Variants in RYR2 observed in about 807,000 individuals in gnomAD.
RYR2 encodes cardiac muscle ryanodine receptor-calcium release channel.
A neutral mutation model predicts 601.1 loss-of-function variants in RYR2; 227 were observed. The observed-to-expected ratio is 0.38, with a 90% confidence interval of 0.34 to 0.42. The LOEUF (loss-of-function observed/expected upper bound fraction) is 0.42. RYR2 is among the 10% of genes least tolerant of loss of function. The probability of loss-of-function intolerance (pLI) is 1.00; values close to 1 mark genes in which losing one functional copy is unlikely to be tolerated. For synonymous variants in RYR2, 2,223 were observed against 2,175.1 expected, an observed-to-expected ratio of 1.02 and a Z score of -0.61; for missense variants, 4,646 against 6,156.5, an observed-to-expected ratio of 0.75 and a Z score of 8.21.
At chr1:237,454,820 G>C (rs1658611241) in intron 15 of RYR2, among the ~76,000 whole-genome samples, 2 of 152,116 alleles carry the variant, frequency 1.3e-5, no homozygotes, top group African/African-American at 2.4e-5. Context: ...GACATTTACT[G>C]TCTGCTCAGC....
chr1:237,426,642 A>C (rs975912009), intron 12 of RYR2, among the ~76,000 whole-genome samples: 1 of 152,232 alleles, frequency 6.6e-6, no homozygotes, highest in African/African-American at 2.4e-5. Context: ...AACTAGAAGA[A>C]ATTGATATCC....
Position 237,614,666 on chromosome 1 carries a change from T to C in RYR2, c.5538T>C (p.Ile1846=). The change falls in exon 37 of 105, where the codon ATT becomes ATC. Residue 1846 remains isoleucine, a synonymous_variant. Coordinates refer to ENST00000366574, the MANE Select transcript of RYR2 (RefSeq NM_001035.3). The surrounding 1 kb of genome is among the most constrained non-coding windows in gnomAD (Gnocchi z 4.3). ...NEDLKHILQL[I]EPSVFKEAAT... is the part of the protein sequence containing the mutation. ...ACTTGAAGCACATCTTGCAGTTGAT[T>C]GAGCCCAGTGTGTTTAAAGAAGCTG... 1 of 1,614,000 alleles carries C rather than the reference T, an allele frequency of 6.2e-7. No individual in the cohort carries two copies. Among genetic ancestry groups the C allele is most frequent in the Non-Finnish European group, 8.5e-7 (1 of 1,179,892 alleles).
intron 1 of RYR2, among the ~76,000 whole-genome samples, chr1:237,120,008 TA>T (rs1438518634): frequency 6.6e-6 from 1 of 152,206 alleles, no homozygotes; most frequent in Non-Finnish European, 1.5e-5. Flanking sequence ...GAGGTTGTTT[TA>T]AAAAGCCGAG....
intron 17 of RYR2, among the ~76,000 whole-genome samples, chr1:237,482,654 C>A (rs1662246426): frequency 6.6e-6 from 1 of 152,162 alleles, no homozygotes; most frequent in East Asian, 1.9e-4. Context: ...AACAGTACTG[C>A]AACCACCATG....
intron 60 of RYR2, among the ~76,000 whole-genome samples, chr1:237,675,548 C>T (rs1685321570): frequency 6.6e-6 from 1 of 152,138 alleles, no homozygotes; most frequent in Non-Finnish European, 1.5e-5. Flanking sequence ...CCAGTTTGTT[C>T]CCTTTTGAAA....
At chr1:237,254,083 C>T (rs1687724916) in intron 1 of RYR2, among the ~76,000 whole-genome samples, 1 of 152,054 alleles carries the variant, frequency 6.6e-6, no homozygotes, top group Admixed American at 6.6e-5. Context: ...AAAACATATC[C>T]CAGAAACAAG....
chr1:237,305,469 T>A (rs145879767), intron 2 of RYR2, among the ~76,000 whole-genome samples: 4,283 of 152,348 alleles, frequency 0.028, 93 homozygotes, highest in Non-Finnish European at 0.045. Context: ...TCTCACTCTG[T>A]CACCCAGGCT....
rs199509060 is a variant in RYR2, at chr1:237,610,703, C to T, written c.4684-59C>T. The T allele has an allele frequency of 4.5e-4, 621 of 1,392,042 alleles. No individual in the cohort carries two copies. The highest frequency in any genetic ancestry group is 5.6e-4 in the Non-Finnish European group (565 of 1,014,514). 86.2% of individuals were successfully genotyped at this position (1,392,042 alleles called of 1,614,324 possible). On this transcript the variant is annotated intron_variant, in intron 35 of 104. Coordinates refer to ENST00000366574, the MANE Select transcript of RYR2 (RefSeq NM_001035.3). The surrounding 1 kb of genome is among the most constrained non-coding windows in gnomAD (Gnocchi z 4.9). ...GTCCTGTGCAGAATTCTAGTCATTA[C>T]TTTGTGAACCCCAAGGGATGTTCTA...
chr1:237,292,355 A>T (rs1012671972), intron 2 of RYR2, among the ~76,000 whole-genome samples: 8 of 152,244 alleles, frequency 5.3e-5, no homozygotes, highest in African/African-American at 1.9e-4. Context: ...AAATAGGTAC[A>T]AAATATTAGA....
intron 2 of RYR2, among the ~76,000 whole-genome samples, chr1:237,276,108 A>AT (rs1055635235): frequency 1.8e-4 from 27 of 151,400 alleles, no homozygotes; most frequent in South Asian, 1.5e-3. Flanking sequence ...ATTTTATTTT[A>AT]TTTTTTTTTG....
chr1:237,288,792 C>A (rs551395706), intron 2 of RYR2, among the ~76,000 whole-genome samples: 67 of 152,226 alleles, frequency 4.4e-4, no homozygotes, highest in Non-Finnish European at 7.8e-4. Context: ...GGAGTCTGGA[C>A]ACTAGATTTG....
chr1:237,205,688 G>T (rs921980832), intron 1 of RYR2, among the ~76,000 whole-genome samples: 1 of 152,222 alleles, frequency 6.6e-6, no homozygotes, highest in Non-Finnish European at 1.5e-5. Context: ...ATCCAAAGGA[G>T]TTAAAAAGTG....
chr1:237,174,328 AC>A, intron 1 of RYR2, among the ~76,000 whole-genome samples: 1 of 152,214 alleles, frequency 6.6e-6, no homozygotes, highest in Non-Finnish European at 1.5e-5. Flanking sequence ...ATAGTAAATA[AC>A]CAGTCTGTTC....
intron 29 of RYR2, among the ~76,000 whole-genome samples, chr1:237,574,999 T>G (rs551520314): frequency 6.6e-6 from 1 of 152,262 alleles, no homozygotes; most frequent in South Asian, 2.1e-4. Flanking sequence ...AACCGGTATG[T>G]TGATCAAGGG....
chr1:237,169,834 A>T (rs1291632854), intron 1 of RYR2, among the ~76,000 whole-genome samples: 2 of 149,608 alleles, frequency 1.3e-5, no homozygotes, highest in African/African-American at 2.4e-5. Flanking sequence ...GTTTACAGAA[A>T]ATTCTAAGCA....
chr1:237,561,130 A>AG (rs201937538), intron 27 of RYR2, among the ~76,000 whole-genome samples: 81,764 of 151,456 alleles, frequency 0.54, 22,845 homozygotes, highest in East Asian at 0.7. Context: ...GAAAACAGGG[A>AG]GAAAAAATGG....
chr1:237,680,705 T>C (rs745529192), intron 62 of RYR2, 128 bp downstream of exon 62: 11 of 593,498 alleles, frequency 1.9e-5, no homozygotes, highest in Non-Finnish European at 3.1e-5. Context: ...CGTGTCTTCA[T>C]GGAAACAAAT....
chr1:237,665,114 C>T (rs1417666371), intron 56 of RYR2, among the ~76,000 whole-genome samples: 1 of 152,120 alleles, frequency 6.6e-6, no homozygotes, highest in Admixed American at 6.5e-5. Flanking sequence ...AAAAGAAAAA[C>T]TCCAGGCCGG....
At chr1:237,508,455 C>A (rs1205260873) in intron 23 of RYR2, among the ~76,000 whole-genome samples, 1 of 131,292 alleles carries the variant, frequency 7.6e-6, no homozygotes, top group Non-Finnish European at 1.8e-5. Context: ...TAAAAAGTTC[C>A]CATTAAAAAA....
Sources: allele counts gnomAD v4.1 joint callset (sites outside exome capture counted in the v4.1 genomes callset), GRCh38; gene constraint gnomAD v4.1.1; non-coding constraint Gnocchi (gnomAD v3.1); transcripts MANE v1.5; gene names NCBI Gene and HGNC (gene_info 2026-07-23, HGNC 2026-07-21).